The following PRTG variants were observed in gnomAD, a reference collection of about 807,000 sequenced individuals.
PRTG encodes immunoglobulin superfamily, DCC subclass, member 5.
In PRTG, 67 loss-of-function variants were observed where a neutral mutation model predicts 122.5. The ratio of observed to expected loss-of-function variants is 0.55; its 90% CI spans 0.45 to 0.67. The LOEUF is 0.67. Ranked by LOEUF, PRTG falls within the 30% of genes least tolerant of loss-of-function variation. The pLI is 0.00. For missense variants in PRTG, 1,435 were observed against 1,415.4 expected (o/e 1.01, Z -0.22); for synonymous variants, 554 against 501.1 (o/e 1.11, Z -1.41).
chr15:55,669,158 T>C (rs2059454459), intron 11 of PRTG, among the ~76,000 whole-genome samples: 1 of 151,430 alleles, frequency 6.6e-6, no homozygotes, highest in African/African-American at 2.4e-5. Flanking sequence ...AAAAACTTAA[T>C]TATCAGAAGT....
intron 2 of PRTG, among the ~76,000 whole-genome samples, chr15:55,725,522 G>A (rs1294855417): frequency 2.0e-5 from 3 of 152,006 alleles, no homozygotes; most frequent in African/African-American, 4.8e-5. Context: ...CTGAGCCTGG[G>A]GAGGTTGAGG....
At chr15:55,668,936 G>A (rs190314547) in intron 11 of PRTG, among the ~76,000 whole-genome samples, 28 of 152,134 alleles carry the variant, frequency 1.8e-4, no homozygotes, top group African/African-American at 5.1e-4. Flanking sequence ...TGGAAAAATC[G>A]TCAATTTAAT....
rs576752970 is a variant in PRTG, at chr15:55,701,398, G to C, written c.398-17467C>G. On this transcript the variant is annotated intron_variant, in intron 2 of 19. Transcript: ENST00000389286. ...AAAATACAAAAATTAGCTGGGCATG[G>C]TGGCAGGCGACTGTAATCCCAACTA... Among the ~76,000 whole-genome samples the C allele has an allele frequency of 2.0e-5, 3 of 152,212 alleles. No individual in the cohort carries two copies. In the East Asian group the frequency reaches 5.8e-4, roughly 29 times the overall value.
intron 11 of PRTG, among the ~76,000 whole-genome samples, chr15:55,664,256 C>T (rs1284898336): frequency 2.0e-5 from 3 of 152,102 alleles, no homozygotes; most frequent in East Asian, 3.9e-4. Context: ...ATTCTCCTGC[C>T]CCAGCCTTCC....
At chr15:55,691,432 C>T (rs1000664595) in intron 2 of PRTG, among the ~76,000 whole-genome samples, 1 of 152,024 alleles carries the variant, frequency 6.6e-6, no homozygotes, top group Admixed American at 6.5e-5. Flanking sequence ...CCTGTAATCC[C>T]AGCACTTTGG....
Position 55,619,889 on chromosome 15 carries a change from CA to C in PRTG, c.*122del. The C allele has an allele frequency of 6.7e-7, 1 of 1,485,810 alleles. No homozygotes were observed. The highest frequency in any genetic ancestry group is 9.0e-7 in the Non-Finnish European group (1 of 1,105,042). The allele number at this position is 1,485,810 out of a possible 1,614,324, so 92.0% of individuals were successfully genotyped here. On this transcript the variant is annotated 3_prime_UTR_variant, in exon 20 of 20. Transcript: ENST00000389286. Reference sequence around the variant, plus strand: ...GATTGGAAAATCATTTTTATCAAAGCATAGCATGGCAGATGGCGGCTGCAGA... The same window carrying C: ...GATTGGAAAATCATTTTTATCAAAGCTAGCATGGCAGATGGCGGCTGCAGA...
chr15:55,642,498 T>C (rs1595614004), intron 11 of PRTG, among the ~76,000 whole-genome samples: 1 of 148,138 alleles, frequency 6.8e-6, no homozygotes, highest in Non-Finnish European at 1.5e-5. Flanking sequence ...ATGCCAGTAA[T>C]CCCAGCTACT....
At chr15:55,682,323 A>G in intron 4 of PRTG, 41 bp downstream of exon 4, 1 of 1,486,316 alleles carries the variant, frequency 6.7e-7, no homozygotes, top group Non-Finnish European at 9.0e-7. Flanking sequence ...AACTGCGCCA[A>G]TAAAACGTCA....
chr15:55,647,858 T>A (rs754515534), intron 11 of PRTG, among the ~76,000 whole-genome samples: 1 of 152,202 alleles, frequency 6.6e-6, no homozygotes, highest in Non-Finnish European at 1.5e-5. Flanking sequence ...GTTTAACCAC[T>A]CTCTGTTCTC....
At chr15:55,713,560 T>C (rs1477789449) in intron 2 of PRTG, among the ~76,000 whole-genome samples, 1 of 152,242 alleles carries the variant, frequency 6.6e-6, no homozygotes, top group Non-Finnish European at 1.5e-5. Context: ...CCAGTTTAAA[T>C]TTCCATCAGC....
intron 12 of PRTG, 121 bp from the exon 13 acceptor site, chr15:55,639,949 A>G: frequency 6.8e-7 from 1 of 1,477,568 alleles, no homozygotes; most frequent in East Asian, 2.5e-5. Flanking sequence ...CTTCCACCAG[A>G]GATTCATAGT....
At chr15:55,708,242 G>C (rs1170196603) in intron 2 of PRTG, among the ~76,000 whole-genome samples, 1 of 150,730 alleles carries the variant, frequency 6.6e-6, no homozygotes, top group African/African-American at 2.4e-5. Flanking sequence ...CAGATAAAGG[G>C]AAAAACATCA....
chr15:55,623,905 C>T (rs1310400067), intron 18 of PRTG, among the ~76,000 whole-genome samples: 1 of 152,098 alleles, frequency 6.6e-6, no homozygotes, highest in African/African-American at 2.4e-5. Context: ...GGCATTCATA[C>T]TTGGGATGTT....
intron 2 of PRTG, among the ~76,000 whole-genome samples, chr15:55,688,918 C>G: frequency 6.6e-6 from 1 of 152,198 alleles, no homozygotes; most frequent in Non-Finnish European, 1.5e-5. Context: ...AGCTGTATCT[C>G]TGCTTCATCT....
intron 11 of PRTG, among the ~76,000 whole-genome samples, chr15:55,653,267 G>A (rs760309668): frequency 7.9e-5 from 12 of 151,992 alleles, no homozygotes; most frequent in South Asian, 2.1e-4. Context: ...TAGAGTACTT[G>A]TCTAAACCTG....
intron 11 of PRTG, among the ~76,000 whole-genome samples, chr15:55,670,940 CACACACACACACACTT>C (rs1418545331): frequency 2.1e-5 from 2 of 93,166 alleles, no homozygotes; most frequent in African/African-American, 3.5e-5. Context: ...CACACACACA[CACACACACACACACTT>C]TGTGTGTGCA....
chr15:55,710,728 C>T (rs928779624), intron 2 of PRTG, among the ~76,000 whole-genome samples: 8 of 152,114 alleles, frequency 5.3e-5, no homozygotes, highest in African/African-American at 1.9e-4. Context: ...ATTGCATTCA[C>T]TTGATTCCTG....
At position 55,611,708 on chromosome 15, in the gene PRTG, T is replaced by C. The variant is rs1308270527; in HGVS notation, c.*8304A>G. The C allele has an allele frequency of 2.0e-5, 3 of 151,866 alleles. No homozygotes were observed. Among genetic ancestry groups the C allele is most frequent in the Non-Finnish European group, 4.4e-5 (3 of 67,928 alleles). 9.4% of individuals were successfully genotyped at this position (151,866 alleles called of 1,614,324 possible). On this transcript the variant is annotated 3_prime_UTR_variant, in exon 20 of 20. Transcript: ENST00000389286. ...GGGTGGGGGCAAGTACTAAGCAATA[T>C]TTACTATGATACTAGAAAAAAAAAA...
At chr15:55,630,929 C>A (rs1204583960) in intron 15 of PRTG, among the ~76,000 whole-genome samples, 1 of 152,122 alleles carries the variant, frequency 6.6e-6, no homozygotes, top group Non-Finnish European at 1.5e-5. Flanking sequence ...TGCCTCCTGG[C>A]CAAAGGTACC....
Sources: gnomAD v4.1 joint callset for allele counts (sites outside exome capture counted in the v4.1 genomes callset) on GRCh38, gnomAD v4.1.1 for gene constraint, MANE v1.5 for transcripts, NCBI Gene and HGNC (gene_info 2026-07-23, HGNC 2026-07-21) for gene names.